The following KIRREL3 variants were observed in gnomAD, a reference collection of about 807,000 sequenced individuals.
The protein encoded by KIRREL3 is kirre like nephrin family adhesion molecule 3.
A neutral mutation model predicts 89.7 loss-of-function variants in KIRREL3; 36 were observed. The observed-to-expected ratio is 0.40, with a 90% CI of 0.31 to 0.53. The LOEUF (loss-of-function observed/expected upper bound fraction) is 0.53. Ranked by LOEUF, KIRREL3 falls within the 20% of genes least tolerant of loss-of-function variation. The probability of loss-of-function intolerance (pLI) is 0.49; values close to 1 mark genes in which losing one functional copy is unlikely to be tolerated. For missense variants in KIRREL3, 864 were observed against 1,056.6 expected, an observed-to-expected ratio of 0.82 and a Z score of 2.53; for synonymous variants, 445 against 441.4, an observed-to-expected ratio of 1.01 and a Z score of -0.10.
intron 2 of KIRREL3, among the ~76,000 whole-genome samples, chr11:126,559,254 A>C (rs1024771336): frequency 3.3e-5 from 5 of 152,196 alleles, no homozygotes; most frequent in African/African-American, 1.2e-4. Context: ...TGTGTGCTCT[A>C]TCTGAGGCGC....
At chr11:126,671,622 A>G (rs937595081) in intron 1 of KIRREL3, among the ~76,000 whole-genome samples, 9 of 152,232 alleles carry the variant, frequency 5.9e-5, no homozygotes, top group Non-Finnish European at 1.0e-4. Flanking sequence ...TGGGCAAGAG[A>G]TCTGAACAGA....
rs1173621992 is a variant in KIRREL3 at position 126,814,012 on chromosome 11, C to T, written c.55+186443G>A. 1.3e-5 allele frequency among the ~76,000 whole-genome samples: 2 copies of T among 151,902 alleles called. No homozygotes were observed. Among genetic ancestry groups the T allele is most frequent in the Non-Finnish European group, 2.9e-5 (2 of 67,990 alleles). On this transcript the variant is annotated intron_variant, in intron 1 of 16. Transcript: ENST00000525144. The surrounding 1 kb of genome is among the most constrained non-coding windows in gnomAD (Gnocchi z 4.4). ...TGGGAGAAAATTTTTGCAGTCTATT[C>T]AACTGACAAAGGTCTAATATCCAGA...
At position 126,645,997 on chromosome 11, in the gene KIRREL3, T is replaced by C. The variant is rs113690851; in HGVS notation, c.56-83085A>G. The stretch of plus-strand genomic sequence containing the variant: ...TCGGAATGATGTACGAGTACTCTTG[T>C]CCTCAAAATGATTCTTCATGAGTTA... On this transcript the variant is annotated intron_variant, in intron 1 of 16. Coordinates refer to ENST00000525144, the MANE Select transcript of KIRREL3 (RefSeq NM_032531.4). The surrounding 1 kb of genome is among the most constrained non-coding windows in gnomAD (Gnocchi z 4.9). Among the ~76,000 whole-genome samples, 272 of 152,342 alleles carry C rather than the reference T, an allele frequency of 1.8e-3. 1 individual carries two copies. The highest frequency in any genetic ancestry group is 6.5e-3 in the African/African-American group (270 of 41,576).
At chr11:126,469,719 G>C (rs1956833578) in intron 5 of KIRREL3, among the ~76,000 whole-genome samples, 1 of 152,220 alleles carries the variant, frequency 6.6e-6, no homozygotes, top group Non-Finnish European at 1.5e-5. Context: ...GTTTGGAGGA[G>C]AGGCCCAGAG....
At chr11:126,472,324 G>A (rs1328492701) in intron 5 of KIRREL3, among the ~76,000 whole-genome samples, 1 of 152,172 alleles carries the variant, frequency 6.6e-6, no homozygotes, top group Non-Finnish European at 1.5e-5. Flanking sequence ...TGTTCTGGAG[G>A]CCGGGAAGTC....
rs1437196289 is a variant in KIRREL3 at position 126,553,593 on chromosome 11, G to A, written c.133+9242C>T. ...TCATGAGCCCAGGTGGCCACCTCAA[G>A]GGAGCAGCTGGGGCTATCTGCGTGT... On this transcript the variant is annotated intron_variant, in intron 2 of 16. Transcript: ENST00000525144. The surrounding 1 kb of genome is among the most constrained non-coding windows in gnomAD (Gnocchi z 4.7). Among the ~76,000 whole-genome samples the A allele has an allele frequency of 6.6e-6, 1 of 152,206 alleles. No individual in the cohort carries two copies. The highest frequency in any genetic ancestry group is 1.5e-5 in the Non-Finnish European group (1 of 68,038).
rs1427598098 is a variant in KIRREL3, at chr11:126,527,643, G to A, written c.134-956C>T. ...AAGTACGGCGCATGCCCTGACTCTA[G>A]TTATCACCGTGGCAACACTCGAATG... On this transcript the variant is annotated intron_variant, in intron 2 of 16. Transcript: ENST00000525144. The surrounding 1 kb of genome is among the most constrained non-coding windows in gnomAD (Gnocchi z 4.2). Among the ~76,000 whole-genome samples, 4 of 152,170 alleles carry A rather than the reference G, an allele frequency of 2.6e-5. No individual in the cohort carries two copies. The highest frequency in any genetic ancestry group is 4.8e-5 in the African/African-American group (2 of 41,436).
intron 4 of KIRREL3, among the ~76,000 whole-genome samples, chr11:126,478,832 C>T (rs768496994): frequency 6.6e-6 from 1 of 151,992 alleles, no homozygotes; most frequent in African/African-American, 2.4e-5. Context: ...GAACGGGCTG[C>T]GTGAGTAGTG....
At chr11:126,839,722 G>A (rs1434400224) in intron 1 of KIRREL3, among the ~76,000 whole-genome samples, 1 of 152,102 alleles carries the variant, frequency 6.6e-6, no homozygotes, top group Non-Finnish European at 1.5e-5. Flanking sequence ...ACATCCAGGC[G>A]GGTTCCTCTG....
chr11:126,749,654 A>G (rs920662952), intron 1 of KIRREL3, among the ~76,000 whole-genome samples: 1 of 152,178 alleles, frequency 6.6e-6, no homozygotes, highest in Non-Finnish European at 1.5e-5. Flanking sequence ...TAAAAAAAAA[A>G]AGTCAGCCAT....
chr11:126,736,608 C>G lies in KIRREL3; in HGVS notation c.56-173696G>C, dbSNP rs904972682. On this transcript the variant is annotated intron_variant, in intron 1 of 16. Transcript: ENST00000525144. The surrounding 1 kb of genome is among the most constrained non-coding windows in gnomAD (Gnocchi z 5.0). ...AAGTGGGGGAGTAGGGGTACCTGCT[C>G]CTGGCCTCCAGTGAGGAGCCCAGGG... Among the ~76,000 whole-genome samples, 2 of 152,062 alleles carry G rather than the reference C, an allele frequency of 1.3e-5. No individual in the cohort carries two copies. The highest frequency in any genetic ancestry group is 2.4e-5 in the African/African-American group (1 of 41,374).
intron 4 of KIRREL3, among the ~76,000 whole-genome samples, chr11:126,487,312 C>T (rs1004050740): frequency 1.3e-5 from 2 of 152,014 alleles, no homozygotes; most frequent in East Asian, 1.9e-4. Context: ...AGACACAGGG[C>T]GGGGCGTGGG....
chr11:126,727,370 T>G (rs1385183824), intron 1 of KIRREL3, among the ~76,000 whole-genome samples: 1 of 152,248 alleles, frequency 6.6e-6, no homozygotes, highest in Admixed American at 6.5e-5. Flanking sequence ...AATGTCTTTT[T>G]GGTGGCCTCA....
rs1483067233 is a variant in KIRREL3, at chr11:126,807,070, T to C, written c.55+193385A>G. 1.3e-5 allele frequency among the ~76,000 whole-genome samples: 2 copies of C among 152,174 alleles called. No individual in the cohort carries two copies. Among genetic ancestry groups the C allele is most frequent in the East Asian group, 3.9e-4 (2 of 5,186 alleles). On this transcript the variant is annotated intron_variant, in intron 1 of 16. Transcript: ENST00000525144. This position sits in a 1 kb window ranked among gnomAD's most constrained non-coding sequence, Gnocchi z 4.3. ...GCACATATGTGCCACATGACCACGC[T>C]GTACTCTTCAAAGGGGATGAAACTG...
chr11:126,441,302 G>A lies in KIRREL3; in HGVS notation c.1253-753C>T, dbSNP rs1955553704. On this transcript the variant is annotated intron_variant, in intron 10 of 16. Transcript: ENST00000525144. This position sits in a 1 kb window ranked among gnomAD's most constrained non-coding sequence, Gnocchi z 5.0. Reference sequence around the variant, plus strand: ...CATGTTTATGGGTGTCAGGTTCTGAGAGCGCCTGTCTCATTCACCACATTG... The same window carrying A: ...CATGTTTATGGGTGTCAGGTTCTGAAAGCGCCTGTCTCATTCACCACATTG... 6.6e-6 allele frequency among the ~76,000 whole-genome samples: 1 copy of A among 152,240 alleles called. No homozygotes were observed.
chr11:126,757,318 GAGA>G (rs907227775), intron 1 of KIRREL3, among the ~76,000 whole-genome samples: 5 of 152,016 alleles, frequency 3.3e-5, no homozygotes, highest in African/African-American at 4.8e-5. Flanking sequence ...AAAAAGAAAA[GAGA>G]AGAAAAGAAA....
In KIRREL3 at chr11:126,778,574, C is replaced by T. The variant is rs1175472492; in HGVS notation, c.56-215662G>A. Reference sequence around the variant, plus strand: ...AAATACCCTTTTACTGAAATCTTTGCACACATCCCAGATTTTTCCTTCGTT... The same window carrying T: ...AAATACCCTTTTACTGAAATCTTTGTACACATCCCAGATTTTTCCTTCGTT... On this transcript the variant is annotated intron_variant, in intron 1 of 16. Transcript: ENST00000525144. The surrounding 1 kb of genome is among the most constrained non-coding windows in gnomAD (Gnocchi z 4.5). Among the ~76,000 whole-genome samples the T allele has an allele frequency of 1.3e-5, 2 of 152,184 alleles. No individual in the cohort carries two copies. The highest frequency in any genetic ancestry group is 2.9e-5 in the Non-Finnish European group (2 of 68,038).
At chr11:126,512,027 G>C (rs1317731669) in intron 4 of KIRREL3, among the ~76,000 whole-genome samples, 2 of 152,184 alleles carry the variant, frequency 1.3e-5, no homozygotes, top group African/African-American at 4.8e-5. Flanking sequence ...ACACACACGT[G>C]GGACTGGCTG....
rs1341917027 is a variant in KIRREL3, at chr11:126,955,062, C to T, written c.55+45393G>A. Among the ~76,000 whole-genome samples the T allele has an allele frequency of 6.6e-6, 1 of 152,186 alleles. No individual in the cohort carries two copies. Among genetic ancestry groups the T allele is most frequent in the Non-Finnish European group, 1.5e-5 (1 of 68,044 alleles). ...ACCCTCTCTCTACACTGGCCTTGCT[C>T]TGATGATGTTTGTGCCCTGAAGGCC... On this transcript the variant is annotated intron_variant, in intron 1 of 16. Transcript: ENST00000525144. This position sits in a 1 kb window ranked among gnomAD's most constrained non-coding sequence, Gnocchi z 4.6.
Sources: allele counts gnomAD v4.1 joint callset (sites outside exome capture counted in the v4.1 genomes callset), GRCh38; gene constraint gnomAD v4.1.1; non-coding constraint Gnocchi (gnomAD v3.1); transcripts MANE v1.5; gene names NCBI Gene and HGNC (gene_info 2026-07-23, HGNC 2026-07-21).